MAGI2: variants seen among roughly 807,000 people sequenced by gnomAD.
The protein encoded by MAGI2 is membrane associated guanylate kinase, WW and PDZ domain containing 2.
MAGI2 carries 35 observed loss-of-function variants against 133.3 expected under a neutral mutation model. The ratio of observed to expected loss-of-function variants is 0.26; its 90% CI spans 0.20 to 0.35. The LOEUF (loss-of-function observed/expected upper bound fraction) is 0.35. MAGI2 is among the 10% of genes least tolerant of loss of function. The pLI, the probability that MAGI2 is intolerant of heterozygous loss-of-function variation, is 1.00. For synonymous variants in MAGI2, 729 were observed against 710.6 expected (o/e 1.03, Z -0.41); for missense variants, 1,636 against 1,863.4 (o/e 0.88, Z 2.25).
chr7:78,294,367 C>A (rs1222926520), intron 9 of MAGI2, among the ~76,000 whole-genome samples: 2 of 152,062 alleles, frequency 1.3e-5, no homozygotes, highest in Non-Finnish European at 2.9e-5. Flanking sequence ...ATTGGGTGTT[C>A]TCATCCTAGT....
chr7:78,773,987 G>A lies in MAGI2; in HGVS notation c.419-146748C>T, dbSNP rs565714554. ...AGTTATAGTAAATATATATATCACT[G>A]GGTTCCACTCCAAATCTAGAGAAGT... On this transcript the variant is annotated intron_variant, in intron 2 of 21. Coordinates refer to ENST00000354212, the MANE Select transcript of MAGI2 (RefSeq NM_012301.4). 1.0e-3 allele frequency among the ~76,000 whole-genome samples: 155 copies of A among 152,240 alleles called. 1 individual carries two copies. Among genetic ancestry groups the A allele is most frequent in the Admixed American group, 2.0e-3 (31 of 15,290 alleles).
intron 1 of MAGI2, among the ~76,000 whole-genome samples, chr7:79,356,022 T>A (rs896246084): frequency 2.6e-5 from 4 of 152,124 alleles, no homozygotes; most frequent in African/African-American, 9.7e-5. Flanking sequence ...ATCTAGGAAA[T>A]AACCAGAAAT....
In MAGI2 at chr7:78,259,396, T is replaced by A. The variant is rs967762136; in HGVS notation, c.1409-2815A>T. Among the ~76,000 whole-genome samples the A allele has an allele frequency of 1.1e-4, 16 of 152,282 alleles. 1 individual carries two copies. Among genetic ancestry groups the A allele is most frequent in the African/African-American group, 3.4e-4 (14 of 41,556 alleles). On this transcript the variant is annotated intron_variant, in intron 9 of 21. Transcript: ENST00000354212. Reference sequence around the variant, plus strand: ...GGCTTCAATCCTCTGTGACTCAGATTTTTTAGAAGTAATGATGAACAATAG... The same window carrying A: ...GGCTTCAATCCTCTGTGACTCAGATATTTTAGAAGTAATGATGAACAATAG...
At chr7:78,424,601 G>A (rs1233058177) in intron 6 of MAGI2, among the ~76,000 whole-genome samples, 3 of 152,206 alleles carry the variant, frequency 2.0e-5, no homozygotes, top group Admixed American at 6.5e-5. Flanking sequence ...GCCCATTAAA[G>A]CAGCCAGGAG....
intron 10 of MAGI2, among the ~76,000 whole-genome samples, chr7:78,231,906 A>AT (rs1037151450): frequency 5.9e-5 from 9 of 151,380 alleles, no homozygotes; most frequent in Non-Finnish European, 1.0e-4. Flanking sequence ...ATTTTTAAGG[A>AT]TTTTTACTTC....
chr7:79,294,067 C>T (rs549964949), intron 1 of MAGI2, among the ~76,000 whole-genome samples: 94 of 151,562 alleles, frequency 6.2e-4, no homozygotes, highest in African/African-American at 2.2e-3. Flanking sequence ...TCTGTAATCC[C>T]CTCAGGAGGC....
In MAGI2 at chr7:78,834,968, C is replaced by A. The variant is rs527605778; in HGVS notation, c.418+172122G>T. ...CCCTGAGGCCTCCTCAGAAGCTGAGCAGATGCCAGCACCATGCTTGTACAG... is the reference window on the plus strand; with the variant it reads ...CCCTGAGGCCTCCTCAGAAGCTGAGAAGATGCCAGCACCATGCTTGTACAG... On this transcript the variant is annotated intron_variant, in intron 2 of 21. Transcript: ENST00000354212. Among the ~76,000 whole-genome samples the A allele has an allele frequency of 2.6e-5, 4 of 152,298 alleles. No homozygotes were observed. In the South Asian group the frequency reaches 8.3e-4, roughly 32 times the overall value.
At chr7:78,177,474 A>C (rs973224639) in intron 14 of MAGI2, among the ~76,000 whole-genome samples, 3 of 152,022 alleles carry the variant, frequency 2.0e-5, no homozygotes, top group Admixed American at 2.0e-4. Flanking sequence ...ACACACACAA[A>C]GTGTTCTACA....
At chr7:79,353,585 C>A in intron 1 of MAGI2, 1 of 425,486 alleles carries the variant, frequency 2.4e-6, no homozygotes, top group Non-Finnish European at 4.7e-6. Flanking sequence ...CTGTCTGGAG[C>A]TCTGGTGATC....
At chr7:78,088,242 C>T (rs1816833438) in intron 20 of MAGI2, among the ~76,000 whole-genome samples, 1 of 152,174 alleles carries the variant, frequency 6.6e-6, no homozygotes, top group South Asian at 2.1e-4. Context: ...GCAATGACTT[C>T]TATACTGACT....
intron 6 of MAGI2, among the ~76,000 whole-genome samples, chr7:78,407,193 G>A (rs914075586): frequency 4.6e-5 from 7 of 151,986 alleles, no homozygotes; most frequent in Non-Finnish European, 1.0e-4. Context: ...GGAAGGATCC[G>A]AAGTCATGCA....
chr7:78,657,281 T>C (rs1388484433), intron 2 of MAGI2, among the ~76,000 whole-genome samples: 1 of 152,190 alleles, frequency 6.6e-6, no homozygotes, highest in East Asian at 1.9e-4. Flanking sequence ...CTAATGATAC[T>C]AAACGTACTC....
At chr7:78,792,661 A>T (rs1296348220) in intron 2 of MAGI2, among the ~76,000 whole-genome samples, 1 of 152,230 alleles carries the variant, frequency 6.6e-6, no homozygotes, top group Non-Finnish European at 1.5e-5. Context: ...TCTCACACAC[A>T]TTATTTAAAT....
chr7:78,517,574 G>A (rs1796145739), intron 4 of MAGI2, among the ~76,000 whole-genome samples: 1 of 152,138 alleles, frequency 6.6e-6, no homozygotes, highest in Non-Finnish European at 1.5e-5. Flanking sequence ...TGTATTATAT[G>A]CCTGGTACAT....
At chr7:79,378,976 C>T in intron 1 of MAGI2, among the ~76,000 whole-genome samples, 2 of 117,224 alleles carry the variant, frequency 1.7e-5, no homozygotes, top group Non-Finnish European at 3.5e-5. Context: ...ATATATTAAA[C>T]TTTAAGTTCT....
chr7:78,775,962 C>T (rs1395577716), intron 2 of MAGI2, among the ~76,000 whole-genome samples: 1 of 152,172 alleles, frequency 6.6e-6, no homozygotes, highest in East Asian at 1.9e-4. Flanking sequence ...CTGCAAAAGG[C>T]TCAGTCTTAG....
intron 1 of MAGI2, among the ~76,000 whole-genome samples, chr7:79,380,879 G>A (rs867804169): frequency 8.6e-5 from 13 of 151,668 alleles, no homozygotes; most frequent in Non-Finnish European, 1.6e-4. Flanking sequence ...CATTTAAAAC[G>A]ATGGCAGTAA....
intron 2 of MAGI2, among the ~76,000 whole-genome samples, chr7:78,770,074 C>A (rs781538390): frequency 6.6e-6 from 1 of 152,184 alleles, no homozygotes; most frequent in Non-Finnish European, 1.5e-5. Flanking sequence ...GGCATACAAG[C>A]CCCTTGCTAT....
intron 10 of MAGI2, among the ~76,000 whole-genome samples, chr7:78,211,990 G>A (rs762671308): frequency 6.6e-6 from 1 of 152,180 alleles, no homozygotes; most frequent in Non-Finnish European, 1.5e-5. Context: ...AGTATAGACT[G>A]TGCCTCCAGC....
Sources: allele counts gnomAD v4.1 joint callset (sites outside exome capture counted in the v4.1 genomes callset), GRCh38; gene constraint gnomAD v4.1.1; transcripts MANE v1.5; gene names NCBI Gene and HGNC (gene_info 2026-07-23, HGNC 2026-07-21).